Variants in GRIP2 observed in about 807,000 individuals in gnomAD.
The protein encoded by GRIP2 is glutamate receptor interacting protein 2.
GRIP2 carries 58 observed loss-of-function variants against 108.3 expected under a neutral mutation model. The observed-to-expected ratio is 0.54, with a 90% CI of 0.43 to 0.67. The LOEUF (loss-of-function observed/expected upper bound fraction) is 0.67. Ranked by LOEUF, GRIP2 falls within the 30% of genes least tolerant of loss-of-function variation. The pLI, the probability that GRIP2 is intolerant of heterozygous loss-of-function variation, is 0.00. For missense variants in GRIP2, 1,278 were observed against 1,430.6 expected, an observed-to-expected ratio of 0.89 and a Z score of 1.72; for synonymous variants, 586 against 598.2, an observed-to-expected ratio of 0.98 and a Z score of 0.30.
At chr3:14,516,437 G>T (rs984097229) in intron 11 of GRIP2, among the ~76,000 whole-genome samples, 13 of 152,300 alleles carry the variant, frequency 8.5e-5, no homozygotes, top group Admixed American at 3.9e-4. Flanking sequence ...CCCAAGAAGG[G>T]TTTCAAAATT....
At chr3:14,506,607 T>C (rs548517473) in intron 19 of GRIP2, among the ~76,000 whole-genome samples, 194 bp downstream of exon 19, 194 of 152,320 alleles carry the variant, frequency 1.3e-3, no homozygotes, top group African/African-American at 4.5e-3. Context: ...CTGCAGTCCA[T>C]GCTTCCAGGA....
intron 21 of GRIP2, among the ~76,000 whole-genome samples, chr3:14,500,078 A>C (rs1031255571): frequency 2.6e-5 from 4 of 152,230 alleles, no homozygotes; most frequent in Admixed American, 2.6e-4. Context: ...AAACAAAACA[A>C]AACAAAACAA....
intron 21 of GRIP2, 80 bp downstream of exon 21, chr3:14,503,486 A>G: frequency 2.1e-6 from 2 of 948,484 alleles, no homozygotes; most frequent in Non-Finnish European, 3.3e-6. Flanking sequence ...TGCCATCAGC[A>G]TGCCTTCCTC....
chr3:14,524,996 T>C (rs1694515272), intron 3 of GRIP2, among the ~76,000 whole-genome samples: 1 of 152,092 alleles, frequency 6.6e-6, no homozygotes, highest in Non-Finnish European at 1.5e-5. Context: ...AATCAGACAA[T>C]GTGTGCAGAA....
chr3:14,504,316 T>G (rs971588090), intron 20 of GRIP2, among the ~76,000 whole-genome samples: 4 of 149,588 alleles, frequency 2.7e-5, no homozygotes, highest in Non-Finnish European at 4.5e-5. Flanking sequence ...CTTGTTTTTT[T>G]TTTTTTTTTT....
intron 21 of GRIP2, among the ~76,000 whole-genome samples, chr3:14,497,581 T>C (rs1693648115): frequency 6.6e-6 from 1 of 151,908 alleles, no homozygotes. Flanking sequence ...TAGACCACAG[T>C]AAGAAATGTG....
the GRIP2 span, among the ~76,000 whole-genome samples, chr3:14,577,866 C>T: frequency 6.6e-6 from 1 of 152,210 alleles, no homozygotes; most frequent in Non-Finnish European, 1.5e-5. Context: ...CATCATGGTC[C>T]CCACCTCAAT....
chr3:14,594,525 A>C, the GRIP2 span, among the ~76,000 whole-genome samples: 1 of 152,208 alleles, frequency 6.6e-6, no homozygotes, highest in Admixed American at 6.5e-5. Context: ...ACTGAGACTC[A>C]GTCTCTTGGG....
Position 14,549,599 on chromosome 3 carries a change from T to A in GRIP2, c.55+6301A>T, listed in dbSNP as rs367649741. Among the ~76,000 whole-genome samples the A allele has an allele frequency of 3.9e-5, 6 of 152,300 alleles. No homozygotes were observed. In the South Asian group the frequency reaches 1.0e-3, roughly 26 times the overall value. On this transcript the variant is annotated intron_variant, in intron 1 of 23. Coordinates refer to the GRIP2 transcript ENST00000637182. ...AACATCTGACCATGCTGGACAGACATCCTCTACGCCCAAGTGGGGAAACTG... is the reference window on the plus strand; with the variant it reads ...AACATCTGACCATGCTGGACAGACAACCTCTACGCCCAAGTGGGGAAACTG...
the GRIP2 span, among the ~76,000 whole-genome samples, chr3:14,595,987 G>A: frequency 4.6e-5 from 7 of 152,262 alleles, no homozygotes; most frequent in South Asian, 8.3e-4. Context: ...CCCCCATGAG[G>A]CTCTATATCC....
At chr3:14,601,201 G>C in the GRIP2 span, among the ~76,000 whole-genome samples, 7 of 152,018 alleles carry the variant, frequency 4.6e-5, no homozygotes. Context: ...GCTTTGCCAG[G>C]GTGCCTCATT....
intron 1 of GRIP2, among the ~76,000 whole-genome samples, chr3:14,555,280 CCA>C (rs1485674872): frequency 1.3e-5 from 2 of 152,172 alleles, no homozygotes; most frequent in Non-Finnish European, 2.9e-5. Flanking sequence ...CCCTCCTCCC[CCA>C]CACACAGCGC....
the GRIP2 span, among the ~76,000 whole-genome samples, chr3:14,569,242 T>G: frequency 6.6e-6 from 1 of 152,222 alleles, no homozygotes; most frequent in East Asian, 1.9e-4. Context: ...AGCCTGGAAT[T>G]ACAACTTCTG....
Position 14,493,604 on chromosome 3 carries a change from CGT to C in GRIP2, c.*59_*60del. The C allele has an allele frequency of 1.3e-6, 2 of 1,487,518 alleles. No individual in the cohort carries two copies. Among genetic ancestry groups the C allele is most frequent in the Non-Finnish European group, 1.8e-6 (2 of 1,109,870 alleles). The allele number at this position is 1,487,518 out of a possible 1,614,324, so 92.1% of individuals were successfully genotyped here. ...GGTGGCCGCTTCTCCAGCCCAGCTA[CGT>C]GTCTGGGAGCCAGGATCTGCCTGGG... is the stretch of plus-strand genomic sequence containing the variant. On this transcript the variant is annotated 3_prime_UTR_variant, in exon 24 of 24. Coordinates refer to ENST00000621039, the MANE Select transcript of GRIP2 (RefSeq NM_001080423.4).
intron 4 of GRIP2, 198 bp downstream of exon 4, chr3:14,524,195 A>G: frequency 1.6e-6 from 1 of 608,650 alleles, no homozygotes; most frequent in Non-Finnish European, 2.9e-6. Flanking sequence ...TTGGCTATAG[A>G]GTCCCACCAC....
At chr3:14,561,377 A>C in the GRIP2 span, among the ~76,000 whole-genome samples, 1 of 152,154 alleles carries the variant, frequency 6.6e-6, no homozygotes, top group African/African-American at 2.4e-5. Context: ...GCTGTACTCC[A>C]TGGTCTTCCC....
chr3:14,529,560 T>A (rs186540179), intron 1 of GRIP2, among the ~76,000 whole-genome samples: 18 of 152,340 alleles, frequency 1.2e-4, no homozygotes, highest in Admixed American at 9.8e-4. Flanking sequence ...TTCCAAATTT[T>A]AATTCCAACA....
At chr3:14,520,592 C>T (rs1694381389) in intron 7 of GRIP2, 55 bp from the exon 8 acceptor site, 1 of 1,581,170 alleles carries the variant, frequency 6.3e-7, no homozygotes, top group East Asian at 2.2e-5. Flanking sequence ...CTTTCCTCCC[C>T]AGCCTCACCC....
At chr3:14,551,033 G>A (rs1357347733) in intron 1 of GRIP2, among the ~76,000 whole-genome samples, 1 of 152,174 alleles carries the variant, frequency 6.6e-6, no homozygotes, top group Non-Finnish European at 1.5e-5. Context: ...CGGGAGGGGG[G>A]AGGCAGCAAG....
Sources: allele counts gnomAD v4.1 joint callset (sites outside exome capture counted in the v4.1 genomes callset), GRCh38; gene constraint gnomAD v4.1.1; transcripts MANE v1.5; gene names NCBI Gene and HGNC (gene_info 2026-07-23, HGNC 2026-07-21).